The following PDK1 variants were observed in gnomAD, a reference collection of about 807,000 sequenced individuals.
PDK1 encodes the protein pyruvate dehydrogenase kinase 1, also known as [Pyruvate dehydrogenase (acetyl-transferring)] kinase isozyme 1, mitochondrial.
In PDK1, 39 loss-of-function variants were observed where a neutral mutation model predicts 54.2. That is an observed-to-expected ratio of 0.72 (90% CI 0.56 to 0.94). The LOEUF (loss-of-function observed/expected upper bound fraction) is 0.94, where lower values mean the gene tolerates loss of function less well. Ranked by LOEUF, PDK1 falls within the 40% of genes least tolerant of loss-of-function variation. The pLI is 0.00. For synonymous variants in PDK1, 221 were observed against 207.1 expected, an observed-to-expected ratio of 1.07 and a Z score of -0.58; for missense variants, 552 against 566.0, an observed-to-expected ratio of 0.98 and a Z score of 0.25.
the PDK1 span, among the ~76,000 whole-genome samples, chr2:172,614,096 G>T: frequency 6.6e-6 from 1 of 152,038 alleles, no homozygotes; most frequent in African/African-American, 2.4e-5. Flanking sequence ...GAGCTCGCGG[G>T]TGCAGCCGTG....
In PDK1 at chr2:172,562,249, A is replaced by AT; in HGVS notation, c.372dup (p.Lys125Ter). On this transcript the variant is annotated frameshift_variant, in exon 3 of 11. Transcript: ENST00000282077. LOFTEE classifies it high-confidence loss of function. ...ATCCAGAGTCTTCAGGAGCTTCTTG[A>AT]TTTTAAGGACAAAAGTGCTGAGGAT... The AT allele has an allele frequency of 6.2e-7, 1 of 1,602,284 alleles. No homozygotes were observed. The highest frequency in any genetic ancestry group is 8.6e-7 in the Non-Finnish European group (1 of 1,169,454).
At chr2:172,718,390 C>G in the PDK1 span, among the ~76,000 whole-genome samples, 1 of 152,084 alleles carries the variant, frequency 6.6e-6, no homozygotes, top group Non-Finnish European at 1.5e-5. Context: ...TATTTTGTTA[C>G]AATTTTCATT....
At chr2:172,574,406 G>A (rs987015183) in intron 8 of PDK1, among the ~76,000 whole-genome samples, 2 of 152,098 alleles carry the variant, frequency 1.3e-5, no homozygotes, top group Non-Finnish European at 2.9e-5. Context: ...GCTGTTATGG[G>A]TTCTTGCATT....
chr2:172,564,016 C>G (rs1220196389), intron 3 of PDK1: 1 of 471,108 alleles, frequency 2.1e-6, no homozygotes, highest in Non-Finnish European at 4.4e-6. Context: ...TTCTGTTTTT[C>G]TGTCCTAAGT....
At chr2:172,643,062 G>A in the PDK1 span, among the ~76,000 whole-genome samples, 1 of 152,304 alleles carries the variant, frequency 6.6e-6, no homozygotes, top group South Asian at 2.1e-4. Context: ...TTGGAAGGAG[G>A]TAGCACTCAG....
At chr2:172,569,954 C>T (rs1425891012) in intron 7 of PDK1, among the ~76,000 whole-genome samples, 1 of 152,190 alleles carries the variant, frequency 6.6e-6, no homozygotes, top group Non-Finnish European at 1.5e-5. Flanking sequence ...GATTGAGGCA[C>T]TCCGTATTAT....
intron 3 of PDK1, chr2:172,564,147 C>T (rs1345238007): frequency 4.4e-6 from 2 of 456,426 alleles, no homozygotes; most frequent in Non-Finnish European, 8.7e-6. Context: ...GCTTTGTCTC[C>T]TCCTATGCAG....
At chr2:172,686,257 T>C in the PDK1 span, among the ~76,000 whole-genome samples, 1 of 152,210 alleles carries the variant, frequency 6.6e-6, no homozygotes, top group Admixed American at 6.5e-5. Context: ...CTTTGAGAAG[T>C]GAAGCCAGCT....
chr2:172,692,364 C>T, the PDK1 span, among the ~76,000 whole-genome samples: 6 of 152,186 alleles, frequency 3.9e-5, no homozygotes, highest in Non-Finnish European at 7.4e-5. Context: ...TAGTTTACAA[C>T]CTTTGTATGT....
the PDK1 span, among the ~76,000 whole-genome samples, chr2:172,637,666 CT>C: frequency 6.6e-6 from 1 of 152,082 alleles, no homozygotes; most frequent in Non-Finnish European, 1.5e-5. Flanking sequence ...CTCTTCTCTA[CT>C]TCTACATCAA....
In PDK1 at chr2:172,586,398, C is replaced by T; in HGVS notation, c.1056+10C>T. 6.6e-7 allele frequency: 1 copy of T among 1,511,440 alleles called. No homozygotes were observed. Among genetic ancestry groups the T allele is most frequent in the East Asian group, 2.3e-5 (1 of 44,276 alleles). 93.6% of individuals were successfully genotyped at this position (1,511,440 alleles called of 1,614,324 possible). ...CCGCGCAGTGCCTCTGGTATGTTATCAAGAAATAATGAAGTGTGTTTCTGT... is the reference window on the plus strand; with the variant it reads ...CCGCGCAGTGCCTCTGGTATGTTATTAAGAAATAATGAAGTGTGTTTCTGT... On this transcript the variant is annotated intron_variant, in intron 9 of 10. Transcript: ENST00000282077.
At chr2:172,590,135 T>C (rs539360210) in intron 9 of PDK1, among the ~76,000 whole-genome samples, 60 of 152,336 alleles carry the variant, frequency 3.9e-4, no homozygotes, top group African/African-American at 1.4e-3. Context: ...ATATTAGAGA[T>C]ATCTCCAGGC....
chr2:172,587,204 G>T (rs919567171), intron 9 of PDK1, among the ~76,000 whole-genome samples: 1 of 152,222 alleles, frequency 6.6e-6, no homozygotes, highest in Non-Finnish European at 1.5e-5. Context: ...GACCCTCGCA[G>T]TGTTACAGTT....
the PDK1 span, among the ~76,000 whole-genome samples, chr2:172,661,919 G>A: frequency 6.6e-6 from 1 of 152,184 alleles, no homozygotes; most frequent in African/African-American, 2.4e-5. Flanking sequence ...ACATGCCCAT[G>A]TAACAAACCT....
At position 172,570,955 on chromosome 2, in the gene PDK1, T is replaced by C. The variant is rs1272955822; in HGVS notation, c.945+131T>C. On this transcript the variant is annotated intron_variant, in intron 8 of 10. Coordinates refer to ENST00000282077, the MANE Select transcript of PDK1 (RefSeq NM_002610.5). ...CAGGGGAAAAGAATCTTGTCTGTAA[T>C]AGATAATAAGCACATTGCTTCATTG... is the stretch of plus-strand genomic sequence containing the variant. 4 of 601,884 alleles carry C rather than the reference T, an allele frequency of 6.6e-6. No homozygotes were observed. The Admixed American group carries it at 1.2e-4, about 18-fold the overall frequency. The allele number at this position is 601,884 out of a possible 1,614,324, so 37.3% of individuals were successfully genotyped here.
rs2149321855 is a variant in PDK1 at position 172,605,540 on chromosome 2, A to C, written c.*9571A>C. On this transcript the variant is annotated 3_prime_UTR_variant, in exon 11 of 11. Coordinates refer to ENST00000282077, the MANE Select transcript of PDK1 (RefSeq NM_002610.5). ...CAGGTGCCTGCCACCATGCCCAGCT[A>C]ATTTTTGTATTTTTAGTAGAGACGG... 1 of 152,116 alleles carries C rather than the reference A, an allele frequency of 6.6e-6. No homozygotes were observed. Among genetic ancestry groups the C allele is most frequent in the South Asian group, 2.1e-4 (1 of 4,794 alleles). 9.4% of individuals were successfully genotyped at this position (152,116 alleles called of 1,614,324 possible). A position where few individuals can be genotyped will look rare whatever the true frequency, so the allele number is the denominator to read the frequency against.
the PDK1 span, among the ~76,000 whole-genome samples, chr2:172,689,948 T>G: frequency 6.7e-6 from 1 of 150,264 alleles, no homozygotes. Flanking sequence ...GGGCAAGGAC[T>G]TCATGTCTAA....
At chr2:172,708,961 A>G in the PDK1 span, among the ~76,000 whole-genome samples, 1 of 152,202 alleles carries the variant, frequency 6.6e-6, no homozygotes, top group Non-Finnish European at 1.5e-5. Context: ...CAGATTAGGT[A>G]TGCTCAACCT....
chr2:172,690,192 A>C, the PDK1 span, among the ~76,000 whole-genome samples: 1 of 150,680 alleles, frequency 6.6e-6, no homozygotes, highest in Non-Finnish European at 1.5e-5. Flanking sequence ...TGGGCAAAGG[A>C]TATGAAAAGA....
Sources: allele counts gnomAD v4.1 joint callset (sites outside exome capture counted in the v4.1 genomes callset), GRCh38; gene constraint gnomAD v4.1.1; transcripts MANE v1.5; gene names NCBI Gene and HGNC (gene_info 2026-07-23, HGNC 2026-07-21).